Variants in GRID2 observed in about 807,000 individuals in gnomAD.
GRID2 encodes glutamate receptor ionotropic, delta-2.
In GRID2, 33 loss-of-function variants were observed where a neutral mutation model predicts 114.8. That is an observed-to-expected ratio of 0.29 (90% CI 0.22 to 0.38). GRID2 has a LOEUF of 0.38. Among genes scored for constraint, GRID2 ranks in the 10% least tolerant of loss-of-function variants. The pLI is 1.00. For synonymous variants in GRID2, 505 were observed against 449.9 expected, an observed-to-expected ratio of 1.12 and a Z score of -1.55; for missense variants, 1,184 against 1,257.7, an observed-to-expected ratio of 0.94 and a Z score of 0.89.
rs6816966 is a variant in GRID2 at position 93,389,973 on chromosome 4, G to C, written c.1246-5634G>C. On this transcript the variant is annotated intron_variant, in intron 8 of 15. Transcript: ENST00000282020. ...CTGGCTGATTTTTGTATTTTTAGTA[G>C]AGACGGGGTTTCACCATGTTGGCCA... is the stretch of plus-strand genomic sequence containing the variant. 4.4e-3 allele frequency among the ~76,000 whole-genome samples: 677 copies of C among 152,202 alleles called. 5 individuals carry two copies. The highest frequency in any genetic ancestry group is 0.016 in the African/African-American group (655 of 41,538).
chr4:92,818,827 A>G (rs1016592381), intron 2 of GRID2, among the ~76,000 whole-genome samples: 5 of 152,116 alleles, frequency 3.3e-5, no homozygotes, highest in Admixed American at 2.6e-4. Context: ...CTTTTGCAAT[A>G]CTTACTTGAA....
At chr4:93,152,699 A>G (rs1007861050) in intron 4 of GRID2, among the ~76,000 whole-genome samples, 2 of 152,258 alleles carry the variant, frequency 1.3e-5, no homozygotes, top group Admixed American at 1.3e-4. Flanking sequence ...TTGCATGGCT[A>G]ATTCTGATAG....
chr4:92,398,619 T>A (rs996689880), intron 1 of GRID2, among the ~76,000 whole-genome samples: 3 of 152,074 alleles, frequency 2.0e-5, no homozygotes, highest in Admixed American at 6.6e-5. Context: ...AAAGGTGAGG[T>A]AGAGGATAAA....
intron 1 of GRID2, among the ~76,000 whole-genome samples, chr4:92,416,127 G>T (rs371108595): frequency 2.3e-4 from 35 of 151,700 alleles, no homozygotes; most frequent in African/African-American, 7.3e-4. Flanking sequence ...ATCTCATTGC[G>T]GTTTTAATTT....
intron 2 of GRID2, among the ~76,000 whole-genome samples, chr4:92,971,964 A>G (rs946823066): frequency 3.9e-5 from 6 of 152,098 alleles, no homozygotes; most frequent in East Asian, 1.9e-4. Flanking sequence ...TTGACTCCAC[A>G]TCTTGGCTAT....
intron 2 of GRID2, among the ~76,000 whole-genome samples, chr4:92,877,490 G>C (rs765852124): frequency 6.6e-6 from 1 of 152,148 alleles, no homozygotes; most frequent in African/African-American, 2.4e-5. Flanking sequence ...GAGGATGAGC[G>C]AGGCATCATT....
intron 10 of GRID2, among the ~76,000 whole-genome samples, chr4:93,443,913 GAGAC>G (rs372514602): frequency 0.018 from 2,730 of 151,908 alleles, 71 homozygotes; most frequent in African/African-American, 0.063. Flanking sequence ...GAGAGAGAGA[GAGAC>G]ATCTTTCTTG....
intron 2 of GRID2, among the ~76,000 whole-genome samples, chr4:93,073,077 G>A (rs1291306762): frequency 6.6e-6 from 1 of 152,172 alleles, no homozygotes; most frequent in East Asian, 1.9e-4. Context: ...GCAGTAAAAA[G>A]TAACCTCTCA....
At chr4:92,401,901 C>A (rs1174035649) in intron 1 of GRID2, among the ~76,000 whole-genome samples, 1 of 152,144 alleles carries the variant, frequency 6.6e-6, no homozygotes, top group African/African-American at 2.4e-5. Flanking sequence ...TGCAATGCTG[C>A]TTGAAAGCAT....
intron 2 of GRID2, among the ~76,000 whole-genome samples, chr4:92,901,686 C>A (rs1747593611): frequency 6.6e-6 from 1 of 151,946 alleles, no homozygotes; most frequent in African/African-American, 2.4e-5. Context: ...TATGTTGAAC[C>A]ATCCTTGCAT....
At chr4:93,012,292 G>A (rs1478080459) in intron 2 of GRID2, among the ~76,000 whole-genome samples, 1 of 151,912 alleles carries the variant, frequency 6.6e-6, no homozygotes, top group Non-Finnish European at 1.5e-5. Context: ...ATCAGCAGAG[G>A]CAGAAATGTG....
chr4:92,916,168 C>A (rs868704179), intron 2 of GRID2, among the ~76,000 whole-genome samples: 1 of 152,078 alleles, frequency 6.6e-6, no homozygotes, highest in Middle Eastern at 3.4e-3. Flanking sequence ...ATGGTATTGC[C>A]TAAGCTGTCT....
chr4:92,520,709 C>G (rs1268893940), intron 1 of GRID2, among the ~76,000 whole-genome samples: 2 of 151,906 alleles, frequency 1.3e-5, no homozygotes, highest in Non-Finnish European at 2.9e-5. Context: ...TCATGCTAAG[C>G]TGGAACAGTG....
intron 1 of GRID2, among the ~76,000 whole-genome samples, chr4:92,328,354 T>TGGAA (rs1431367880): frequency 6.6e-6 from 1 of 152,066 alleles, no homozygotes; most frequent in Non-Finnish European, 1.5e-5. Context: ...ATTTATGGAA[T>TGGAA]GGAACACTTT....
intron 1 of GRID2, among the ~76,000 whole-genome samples, chr4:92,526,125 G>A (rs895290007): frequency 1.3e-5 from 2 of 151,636 alleles, no homozygotes; most frequent in Admixed American, 1.3e-4. Flanking sequence ...AAGGAAGAAG[G>A]GAAAAAGGGA....
chr4:92,762,948 T>C (rs1738089762), intron 2 of GRID2, among the ~76,000 whole-genome samples: 1 of 152,194 alleles, frequency 6.6e-6, no homozygotes, highest in African/African-American at 2.4e-5. Context: ...TTCTTCCCCA[T>C]CTAACCAGTG....
chr4:93,625,846 T>C (rs976479302), intron 13 of GRID2, among the ~76,000 whole-genome samples: 2 of 151,880 alleles, frequency 1.3e-5, no homozygotes, highest in East Asian at 2.0e-4. Context: ...ACCCGGGAGG[T>C]GGAGCTTGCA....
rs544717818 is a variant in GRID2 at position 93,565,978 on chromosome 4, T to A, written c.2193+50567T>A. ...AACCCAACAAAGGTTTATTTGACAC[T>A]CATCTGAAAGTTCAATGCAGTGGTG... On this transcript the variant is annotated intron_variant, in intron 13 of 15. Transcript: ENST00000282020. 3.9e-5 allele frequency among the ~76,000 whole-genome samples: 6 copies of A among 152,284 alleles called. No homozygotes were observed. In the East Asian group the frequency reaches 1.2e-3, roughly 29 times the overall value.
chr4:92,949,323 T>C (rs1449877261), intron 2 of GRID2, among the ~76,000 whole-genome samples: 2 of 152,088 alleles, frequency 1.3e-5, no homozygotes, highest in Non-Finnish European at 2.9e-5. Context: ...AGTCTTTTTT[T>C]ATTATACTTC....
Sources: allele counts gnomAD v4.1 joint callset (sites outside exome capture counted in the v4.1 genomes callset), GRCh38; gene constraint gnomAD v4.1.1; transcripts MANE v1.5; gene names NCBI Gene and HGNC (gene_info 2026-07-23, HGNC 2026-07-21).